VIPAS39: variants seen among roughly 807,000 people sequenced by gnomAD.
The protein encoded by VIPAS39 is VPS33B interacting protein, apical-basolateral polarity regulator, spe-39 homolog.
A neutral mutation model predicts 84.7 loss-of-function variants in VIPAS39; 63 were observed. The observed-to-expected ratio is 0.74, with a 90% CI of 0.61 to 0.92. The LOEUF (loss-of-function observed/expected upper bound fraction) is 0.92, where lower values mean the gene tolerates loss of function less well. Ranked by LOEUF, VIPAS39 falls within the 40% of genes least tolerant of loss-of-function variation. The probability of loss-of-function intolerance (pLI) is 0.00; values close to 1 mark genes in which losing one functional copy is unlikely to be tolerated. For synonymous variants in VIPAS39, 192 were observed against 216.5 expected, an observed-to-expected ratio of 0.89 and a Z score of 0.99; for missense variants, 499 against 604.5, an observed-to-expected ratio of 0.83 and a Z score of 1.83.
intron 10 of VIPAS39, among the ~76,000 whole-genome samples, chr14:77,442,106 A>G (rs941831630): frequency 6.6e-6 from 1 of 152,204 alleles, no homozygotes; most frequent in African/African-American, 2.4e-5. Context: ...CTTAGAATCA[A>G]GTAATAAAAG....
Position 77,451,280 on chromosome 14 carries a change from C to T in VIPAS39, c.250G>A (p.Gly84Arg). ...TTTCGGCTCTTTAGCTGTTCACGCC[C>T]CTCGTGGGTTGAGCCGCTATTACCA... Reference protein sequence around the residue: ...TAGNSGSTHEGREQLKSRNSF... With the variant: ...TAGNSGSTHERREQLKSRNSF... The change falls in exon 4 of 20, where the codon GGG becomes AGG. Residue 84 changes from glycine (G) to arginine (R), a missense_variant. Physicochemically the swap from Gly to Arg is moderately radical, Grantham distance 125. Transcript: ENST00000557658. 1 of 1,614,204 alleles carries T rather than the reference C, an allele frequency of 6.2e-7. No homozygotes were observed. Among genetic ancestry groups the T allele is most frequent in the Non-Finnish European group, 8.5e-7 (1 of 1,180,034 alleles).
chr14:77,442,641 T>C lies in VIPAS39; in HGVS notation c.653A>G (p.Glu218Gly). Residue 218 changes from glutamate (E) to glycine (G), a missense_variant, in exon 10 of 20, where the codon GAG becomes GGG. Physicochemically the swap from Glu to Gly is moderately conservative, Grantham distance 98. Coordinates refer to ENST00000557658, the MANE Select transcript of VIPAS39 (RefSeq NM_001193315.2). ...LSKEILFREL[E>G]VRQVALRHLI... ...ATGTCTCAGGGCAACCTGTCGCACCTCCAGCTCTCGGAAGAGGATCTCTGT... is the reference window on the plus strand; with the variant it reads ...ATGTCTCAGGGCAACCTGTCGCACCCCCAGCTCTCGGAAGAGGATCTCTGT... 2 of 1,614,220 alleles carry C rather than the reference T, an allele frequency of 1.2e-6. No homozygotes were observed. The highest frequency in any genetic ancestry group is 2.2e-5 in the South Asian group (2 of 91,086).
chr14:77,449,768 A>G lies in VIPAS39; in HGVS notation c.344-16T>C, dbSNP rs962331974. The G allele has an allele frequency of 6.2e-7, 1 of 1,614,052 alleles. No homozygotes were observed. Among genetic ancestry groups the G allele is most frequent in the Non-Finnish European group, 8.5e-7 (1 of 1,180,018 alleles). ...CTAGTTCTACCTAAAGGTAAAGAAC[A>G]CAAGAGGGAAAAGGTCAACAGTTTC... On this transcript the variant is annotated splice_polypyrimidine_tract_variant and intron_variant, in intron 4 of 19. Coordinates refer to ENST00000557658, the MANE Select transcript of VIPAS39 (RefSeq NM_001193315.2).
At chr14:77,439,869 A>G (rs1309572355) in intron 11 of VIPAS39, among the ~76,000 whole-genome samples, 2 of 152,166 alleles carry the variant, frequency 1.3e-5, no homozygotes, top group African/African-American at 4.8e-5. Context: ...GTCTGTATGG[A>G]TATCACAAAT....
intron 10 of VIPAS39, 53 bp from the exon 11 acceptor site, chr14:77,441,146 TATAA>T (rs1342210701): frequency 1.6e-4 from 261 of 1,607,936 alleles, no homozygotes; most frequent in Non-Finnish European, 2.0e-4. Context: ...TGTGTGGCAG[TATAA>T]CCTCACAAAA....
intron 5 of VIPAS39, 152 bp from the exon 6 acceptor site, chr14:77,449,509 C>T (rs1386716926): frequency 7.9e-7 from 1 of 1,271,160 alleles, no homozygotes. Flanking sequence ...TCCCCAAAGA[C>T]AGCATCCCTA....
chr14:77,442,632 T>C lies in VIPAS39; in HGVS notation c.662A>G (p.Gln221Arg). 3 of 1,614,244 alleles carry C rather than the reference T, an allele frequency of 1.9e-6. No individual in the cohort carries two copies. Among genetic ancestry groups the C allele is most frequent in the Non-Finnish European group, 2.5e-6 (3 of 1,180,042 alleles). Reference sequence around the variant, plus strand: ...GTGAATAAGATGTCTCAGGGCAACCTGTCGCACCTCCAGCTCTCGGAAGAG... The same window carrying C: ...GTGAATAAGATGTCTCAGGGCAACCCGTCGCACCTCCAGCTCTCGGAAGAG... The part of the protein sequence containing the change: ...EILFRELEVR[Q>R]VALRHLIHFL... Residue 221 changes from glutamine to arginine, a missense_variant, in exon 10 of 20, where the codon CAG (glutamine) becomes CGG (arginine). Physicochemically the swap from Gln to Arg is conservative, Grantham distance 43. Transcript: ENST00000557658.
intron 12 of VIPAS39, among the ~76,000 whole-genome samples, 174 bp from the exon 13 acceptor site, chr14:77,436,093 A>T (rs1430100622): frequency 6.6e-6 from 1 of 152,256 alleles, no homozygotes. Flanking sequence ...CGTGAATTTC[A>T]TATTAAAGGT....
intron 7 of VIPAS39, 125 bp downstream of exon 7, chr14:77,448,369 G>T: frequency 9.7e-7 from 1 of 1,029,434 alleles, no homozygotes; most frequent in Non-Finnish European, 1.5e-6. Context: ...TTCAACCTTA[G>T]TGGATTTATT....
At chr14:77,430,395 C>T (rs2078502451) in intron 16 of VIPAS39, among the ~76,000 whole-genome samples, 1 of 152,098 alleles carries the variant, frequency 6.6e-6, no homozygotes, top group Non-Finnish European at 1.5e-5. Context: ...AAAGATCCCA[C>T]ATAGCCAAAG....
In VIPAS39 at chr14:77,433,891, C is replaced by A; in HGVS notation, c.1130G>T (p.Arg377Leu). ...ATCATTCCAGGCTCGAAGCTTGGCA[C>A]GAGCAGCCAGGGCTGTCAGCACATA... Reference protein sequence around the residue: ...KQYVLTALAARAKLRAWNDVD... With the variant: ...KQYVLTALAALAKLRAWNDVD... Residue 377 changes from arginine to leucine, a missense_variant, in exon 16 of 20, where the codon CGT becomes CTT. Arg to Leu is a moderately radical substitution (Grantham distance 102). Coordinates refer to ENST00000557658, the MANE Select transcript of VIPAS39 (RefSeq NM_001193315.2). The A allele has an allele frequency of 1.2e-6, 2 of 1,614,050 alleles. No individual in the cohort carries two copies. Among genetic ancestry groups the A allele is most frequent in the South Asian group, 2.2e-5 (2 of 91,072 alleles).
chr14:77,450,895 A>G (rs2078871081), intron 4 of VIPAS39, among the ~76,000 whole-genome samples: 1 of 152,196 alleles, frequency 6.6e-6, no homozygotes, highest in Non-Finnish European at 1.5e-5. Context: ...TCCCACCAAC[A>G]AGGTTTTCCA....
At chr14:77,437,748 T>G in intron 12 of VIPAS39, 60 bp downstream of exon 12, 1 of 1,557,428 alleles carries the variant, frequency 6.4e-7, no homozygotes, top group Non-Finnish European at 8.9e-7. Flanking sequence ...CTTTTTAATT[T>G]TCTTCATTCC....
chr14:77,447,786 G>A (rs28834759), intron 7 of VIPAS39, among the ~76,000 whole-genome samples: 2,129 of 152,044 alleles, frequency 0.014, 48 homozygotes, highest in African/African-American at 0.048. Flanking sequence ...TCAGCCTCCC[G>A]AGTAGCTGGG....
chr14:77,437,829 T>C lies in VIPAS39; in HGVS notation c.815A>G (p.Glu272Gly), dbSNP rs959104324. Residue 272 changes from glutamate to glycine, a missense_variant, in exon 12 of 20, where the codon GAA becomes GGA. By Grantham distance (98) the Glu-to-Gly change is moderately conservative. Transcript: ENST00000557658. ...LNIQDPDKRK[E>G]FLKTCVGLPF... ...TTACCCAACACAGGTTTTAAGAAATTCTTTTCGTTTGTCAGGGTCCTGAAT... is the reference window on the plus strand; with the variant it reads ...TTACCCAACACAGGTTTTAAGAAATCCTTTTCGTTTGTCAGGGTCCTGAAT... 6.2e-7 allele frequency: 1 copy of C among 1,614,176 alleles called. No homozygotes were observed. The highest frequency in any genetic ancestry group is 8.5e-7 in the Non-Finnish European group (1 of 1,180,028).
chr14:77,451,054 C>G, intron 4 of VIPAS39, 133 bp downstream of exon 4: 1 of 1,346,772 alleles, frequency 7.4e-7, no homozygotes, highest in Non-Finnish European at 1.1e-6. Context: ...CTCCTAACAC[C>G]CAGCTGCCAC....
Position 77,454,675 on chromosome 14 carries a change from C to CAA in VIPAS39, c.1-575_1-574dup, listed in dbSNP as rs529008875. Among the ~76,000 whole-genome samples the CAA allele has an allele frequency of 3.9e-3, 481 of 124,836 alleles. 19 individuals are homozygous for CAA. The highest frequency in any genetic ancestry group is 8.4e-3 in the African/African-American group (275 of 32,908). The allele number at this position is 124,836 out of a possible 152,430, so 81.9% of individuals were successfully genotyped here. On this transcript the variant is annotated intron_variant, in intron 1 of 19. Transcript: ENST00000557658. The stretch of plus-strand genomic sequence containing the variant: ...GGCAACAAGAGCGAAACTCCGTCTC[C>CAA]AAAAAAAAAAAAAAAAAGTGTCAGA...
At chr14:77,430,210 A>G (rs2078499204) in intron 16 of VIPAS39, among the ~76,000 whole-genome samples, 1 of 152,186 alleles carries the variant, frequency 6.6e-6, no homozygotes, top group Admixed American at 6.5e-5. Flanking sequence ...AGAAAATGAA[A>G]AAGGAACTTC....
intron 15 of VIPAS39, 75 bp downstream of exon 15, chr14:77,434,187 G>A (rs974685752): frequency 4.1e-6 from 6 of 1,453,924 alleles, no homozygotes; most frequent in South Asian, 2.3e-5. Flanking sequence ...ACACTGTACA[G>A]GGTTACAAAG....
Sources: allele counts gnomAD v4.1 joint callset (sites outside exome capture counted in the v4.1 genomes callset), GRCh38; gene constraint gnomAD v4.1.1; transcripts MANE v1.5; gene names NCBI Gene and HGNC (gene_info 2026-07-23, HGNC 2026-07-21).